CSMD3: variants seen among roughly 807,000 people sequenced by gnomAD.
CSMD3 encodes CUB and Sushi multiple domains 3, also known as CUB and sushi domain-containing protein 3.
CSMD3 carries 177 observed loss-of-function variants against 435.2 expected under a neutral mutation model. The ratio of observed to expected loss-of-function variants is 0.41; its 90% CI spans 0.36 to 0.46. The LOEUF (loss-of-function observed/expected upper bound fraction) is 0.46. Ranked by LOEUF, CSMD3 falls within the 20% of genes least tolerant of loss-of-function variation. The probability of loss-of-function intolerance (pLI) is 0.34; values close to 1 mark genes in which losing one functional copy is unlikely to be tolerated. For missense variants in CSMD3, 4,265 were observed against 4,504.6 expected (o/e 0.95, Z 1.52); for synonymous variants, 1,656 against 1,520.5 (o/e 1.09, Z -2.07).
chr8:113,058,899 A>T (rs2088474325), intron 5 of CSMD3, among the ~76,000 whole-genome samples: 1 of 152,110 alleles, frequency 6.6e-6, no homozygotes, highest in African/African-American at 2.4e-5. Context: ...AAAAAGAAGT[A>T]TACTGGAGAT....
At chr8:112,513,597 A>C (rs1823359086) in intron 28 of CSMD3, among the ~76,000 whole-genome samples, 2 of 152,212 alleles carry the variant, frequency 1.3e-5, no homozygotes, top group African/African-American at 2.4e-5. Context: ...GAATTACCAA[A>C]ATATAATACA....
At chr8:113,309,552 T>C (rs938881385) in intron 2 of CSMD3, 1 of 152,226 alleles carries the variant, frequency 6.6e-6, no homozygotes, top group Non-Finnish European at 1.5e-5. Context: ...TTACATTTGA[T>C]TTTATCTTTA....
intron 12 of CSMD3, among the ~76,000 whole-genome samples, chr8:112,822,894 A>C (rs1048860512): frequency 6.6e-6 from 1 of 152,142 alleles, no homozygotes; most frequent in Non-Finnish European, 1.5e-5. Context: ...TAAGATAATC[A>C]TGTGGTTTTT....
intron 3 of CSMD3, among the ~76,000 whole-genome samples, chr8:113,249,382 C>T (rs1465831523): frequency 6.6e-6 from 1 of 151,954 alleles, no homozygotes; most frequent in East Asian, 1.9e-4. Flanking sequence ...CATTTGAGAC[C>T]CACGTTCTTC....
chr8:113,264,502 C>G (rs1250108679), intron 3 of CSMD3, among the ~76,000 whole-genome samples: 1 of 151,142 alleles, frequency 6.6e-6, no homozygotes, highest in African/African-American at 2.4e-5. Context: ...TTTATGCCAT[C>G]CCATCTTTTT....
At chr8:112,824,498 G>C (rs954414173) in intron 12 of CSMD3, among the ~76,000 whole-genome samples, 1 of 152,178 alleles carries the variant, frequency 6.6e-6, no homozygotes, top group African/African-American at 2.4e-5. Context: ...AGGCAGGTAT[G>C]ATGGTGACAA....
chr8:112,272,347 G>T (rs561687085), intron 59 of CSMD3, among the ~76,000 whole-genome samples: 1 of 152,002 alleles, frequency 6.6e-6, no homozygotes, highest in South Asian at 2.1e-4. Context: ...TATAGTAACT[G>T]GCATACATCA....
chr8:112,544,393 G>T (rs1826964493), intron 27 of CSMD3, among the ~76,000 whole-genome samples: 1 of 151,944 alleles, frequency 6.6e-6, no homozygotes, highest in South Asian at 2.1e-4. Context: ...CCATATTTTG[G>T]CATATATTAA....
At position 113,124,506 on chromosome 8, in the gene CSMD3, T is replaced by C. The variant is rs560078127; in HGVS notation, c.710-25543A>G. On this transcript the variant is annotated intron_variant, in intron 4 of 70. Coordinates refer to ENST00000297405, the MANE Select transcript of CSMD3 (RefSeq NM_198123.2). ...GTGGGAAAAAAGAAAAAAAACCCTA[T>C]GGGATTCATTTTTATCATGAATTTT... 7.9e-5 allele frequency among the ~76,000 whole-genome samples: 12 copies of C among 151,750 alleles called. No individual in the cohort carries two copies. The South Asian group carries it at 2.1e-3, about 26-fold the overall frequency.
intron 22 of CSMD3, among the ~76,000 whole-genome samples, chr8:112,611,606 T>G (rs1833267874): frequency 6.6e-6 from 1 of 152,172 alleles, no homozygotes; most frequent in Non-Finnish European, 1.5e-5. Flanking sequence ...TGCTCTATAA[T>G]AGACTATTGG....
At chr8:112,433,529 T>C (rs1813952730) in intron 32 of CSMD3, among the ~76,000 whole-genome samples, 1 of 151,434 alleles carries the variant, frequency 6.6e-6, no homozygotes, top group African/African-American at 2.4e-5. Context: ...TGGTGACGCA[T>C]GCTTGTGGTC....
chr8:112,401,200 T>A (rs1474468910), intron 35 of CSMD3, among the ~76,000 whole-genome samples: 1 of 152,078 alleles, frequency 6.6e-6, no homozygotes, highest in East Asian at 1.9e-4. Context: ...AAGACTCCAT[T>A]TCAAAAAGAA....
intron 7 of CSMD3, among the ~76,000 whole-genome samples, chr8:112,958,896 A>G (rs1222451503): frequency 6.6e-6 from 1 of 152,116 alleles, no homozygotes; most frequent in African/African-American, 2.4e-5. Context: ...ATGTTAGGAA[A>G]TCGATCATAT....
chr8:113,366,929 A>C (rs914468912), intron 1 of CSMD3, among the ~76,000 whole-genome samples: 3 of 152,072 alleles, frequency 2.0e-5, no homozygotes, highest in African/African-American at 7.2e-5. Context: ...ATAGTATTTA[A>C]ATATACAACA....
At chr8:112,771,821 A>G (rs977075411) in intron 13 of CSMD3, among the ~76,000 whole-genome samples, 3 of 151,996 alleles carry the variant, frequency 2.0e-5, no homozygotes, top group African/African-American at 7.2e-5. Flanking sequence ...TGTTCATGAA[A>G]TGAATAGGAA....
rs960017086 is a variant in CSMD3, at chr8:112,981,235, A to G, written c.1031-5087T>C. Among the ~76,000 whole-genome samples, 3 of 151,534 alleles carry G rather than the reference A, an allele frequency of 2.0e-5. No individual in the cohort carries two copies. In the Middle Eastern group the frequency reaches 0.01, roughly 515 times the overall value. On this transcript the variant is annotated intron_variant, in intron 6 of 70. Transcript: ENST00000297405. ...ACTGCAGCAATTAAATTATGAAATG[A>G]CAATGCAAAATTGGCTATCACTTGT...
At chr8:113,239,503 T>TC (rs1563589387) in intron 3 of CSMD3, among the ~76,000 whole-genome samples, 1 of 140,076 alleles carries the variant, frequency 7.1e-6, no homozygotes, top group African/African-American at 2.6e-5. Context: ...TAGTTTTATC[T>TC]ATCTATCTAT....
intron 1 of CSMD3, among the ~76,000 whole-genome samples, chr8:113,321,154 T>A (rs1227639317): frequency 6.6e-6 from 1 of 152,152 alleles, no homozygotes; most frequent in African/African-American, 2.4e-5. Context: ...ACATTGCTGC[T>A]AAAGTCATTT....
intron 13 of CSMD3, among the ~76,000 whole-genome samples, chr8:112,790,667 G>A (rs61352913): frequency 0.011 from 1,709 of 151,564 alleles, 35 homozygotes; most frequent in African/African-American, 0.039. Flanking sequence ...AACCTACTGA[G>A]AAAAAAAAGA....
Sources: gnomAD v4.1 joint callset for allele counts (sites outside exome capture counted in the v4.1 genomes callset) on GRCh38, gnomAD v4.1.1 for gene constraint, MANE v1.5 for transcripts, NCBI Gene and HGNC (gene_info 2026-07-23, HGNC 2026-07-21) for gene names.